Variants in SPAG16 observed in about 807,000 individuals in gnomAD.
SPAG16 encodes the protein sperm associated antigen 16.
SPAG16 carries 86 observed loss-of-function variants against 80.4 expected under a neutral mutation model. That is an observed-to-expected ratio of 1.07 (90% confidence interval 0.90 to 1.28). SPAG16 has a LOEUF of 1.28. Among genes scored for constraint, SPAG16 ranks in the 50% most tolerant of loss-of-function variants. The pLI is 0.00. For synonymous variants in SPAG16, 294 were observed against 265.9 expected, an observed-to-expected ratio of 1.11 and a Z score of -1.03; for missense variants, 870 against 765.3, an observed-to-expected ratio of 1.14 and a Z score of -1.61.
intron 1 of SPAG16, 149 bp downstream of exon 1, chr2:213,284,768 C>T: frequency 8.7e-7 from 1 of 1,144,476 alleles, no homozygotes; most frequent in African/African-American, 1.6e-5. Context: ...TTTTTGCCAC[C>T]ACAGTCTTCC....
intron 15 of SPAG16, chr2:214,280,991 G>A: frequency 2.3e-6 from 1 of 442,678 alleles, no homozygotes; most frequent in Non-Finnish European, 4.4e-6. Flanking sequence ...GAATCGTTTG[G>A]TACTGTAAGG....
chr2:213,818,074 A>ACT (rs879631401), intron 10 of SPAG16, among the ~76,000 whole-genome samples: 12 of 152,060 alleles, frequency 7.9e-5, no homozygotes, highest in Non-Finnish European at 5.9e-5. Context: ...ATAAAGAAGG[A>ACT]CTCTCTCTGC....
chr2:213,405,139 G>C (rs922434160), intron 9 of SPAG16, among the ~76,000 whole-genome samples: 1 of 152,078 alleles, frequency 6.6e-6, no homozygotes, highest in African/African-American at 2.4e-5. Context: ...ATGAACCTAA[G>C]GTTTACTTAA....
intron 15 of SPAG16, among the ~76,000 whole-genome samples, chr2:214,306,965 G>A (rs1453278300): frequency 6.6e-6 from 1 of 152,138 alleles, no homozygotes; most frequent in Non-Finnish European, 1.5e-5. Flanking sequence ...AATGGCACTA[G>A]CTCTTCTTTG....
At chr2:213,429,609 C>T (rs1346210394) in intron 9 of SPAG16, among the ~76,000 whole-genome samples, 2 of 152,186 alleles carry the variant, frequency 1.3e-5, no homozygotes, top group Non-Finnish European at 2.9e-5. Context: ...TTTCACATAA[C>T]ATTTGCTACC....
intron 13 of SPAG16, among the ~76,000 whole-genome samples, chr2:214,050,378 C>G (rs2049578301): frequency 6.6e-6 from 1 of 151,900 alleles, no homozygotes; most frequent in South Asian, 2.1e-4. Flanking sequence ...AGCTGATTCT[C>G]TGAACACACT....
intron 10 of SPAG16, among the ~76,000 whole-genome samples, chr2:213,542,914 A>G (rs905045180): frequency 6.6e-6 from 1 of 152,134 alleles, no homozygotes; most frequent in Non-Finnish European, 1.5e-5. Flanking sequence ...AATAAAAAAC[A>G]GAAATGATAG....
At chr2:213,347,279 C>A (rs538834867) in intron 6 of SPAG16, among the ~76,000 whole-genome samples, 1 of 151,928 alleles carries the variant, frequency 6.6e-6, no homozygotes, top group East Asian at 1.9e-4. Context: ...TCTCTCTTTT[C>A]TTCTTTATTA....
Position 213,825,701 on chromosome 2 carries a change from CTTTTTTT to C in SPAG16, c.1071-36768_1071-36762del, listed in dbSNP as rs55777958. On this transcript the variant is annotated intron_variant, in intron 10 of 15. Coordinates refer to ENST00000331683, the MANE Select transcript of SPAG16 (RefSeq NM_024532.5). ...TGTAGTTTTCTTTCTTTCTTTCTTT[CTTTTTTT>C]TTTTTTTTTTTTTTTGATGTGTCTT... Among the ~76,000 whole-genome samples the C allele has an allele frequency of 4.9e-3, 535 of 109,792 alleles. 4 individuals carry two copies. The highest frequency in any genetic ancestry group is 6.5e-3 in the Non-Finnish European group (360 of 55,434). The allele number at this position is 109,792 out of a possible 152,430, so 72.0% of individuals were successfully genotyped here.
intron 10 of SPAG16, among the ~76,000 whole-genome samples, chr2:213,802,761 T>C (rs2071497991): frequency 6.6e-6 from 1 of 152,158 alleles, no homozygotes; most frequent in Non-Finnish European, 1.5e-5. Context: ...TTGTACATTT[T>C]TGTGTGGTGA....
At chr2:213,802,430 T>TATCTA (rs2071475909) in intron 10 of SPAG16, among the ~76,000 whole-genome samples, 1 of 145,974 alleles carries the variant, frequency 6.9e-6, no homozygotes, top group Admixed American at 6.7e-5. Flanking sequence ...TCTATCTATC[T>TATCTA]ATCTATCTAT....
chr2:213,883,334 T>A (rs1559550707), intron 11 of SPAG16, among the ~76,000 whole-genome samples: 1 of 152,218 alleles, frequency 6.6e-6, no homozygotes, highest in Non-Finnish European at 1.5e-5. Flanking sequence ...CTTTTTGATA[T>A]TGATTTCTAT....
At chr2:214,177,626 A>G (rs142635834) in intron 15 of SPAG16, among the ~76,000 whole-genome samples, 40 of 150,776 alleles carry the variant, frequency 2.7e-4, no homozygotes, top group African/African-American at 8.9e-4. Flanking sequence ...GACAGAAGGT[A>G]GGTTTTTTGT....
chr2:214,267,993 C>T (rs1181890510), intron 15 of SPAG16, among the ~76,000 whole-genome samples: 1 of 151,598 alleles, frequency 6.6e-6, no homozygotes, highest in East Asian at 1.9e-4. Context: ...AACAAATAAC[C>T]CCATTAAAAA....
In SPAG16 at chr2:214,410,430, G is replaced by A; in HGVS notation, c.*115G>A. 1 of 967,092 alleles carries A rather than the reference G, an allele frequency of 1.0e-6. No homozygotes were observed. The highest frequency in any genetic ancestry group is 1.5e-6 in the Non-Finnish European group (1 of 661,052). 59.9% of individuals were successfully genotyped at this position (967,092 alleles called of 1,614,324 possible). ...TGCCAGCAGGTAACATTTACAGTCTGCTTTAAAACATGCTTTGGACATATA... is the reference window on the plus strand; with the variant it reads ...TGCCAGCAGGTAACATTTACAGTCTACTTTAAAACATGCTTTGGACATATA... On this transcript the variant is annotated 3_prime_UTR_variant, in exon 16 of 16. Transcript: ENST00000331683.
At chr2:214,321,401 A>G (rs1281814297) in intron 15 of SPAG16, among the ~76,000 whole-genome samples, 1 of 152,232 alleles carries the variant, frequency 6.6e-6, no homozygotes, top group Non-Finnish European at 1.5e-5. Flanking sequence ...AAGGCAAAGC[A>G]AACATTCTTT....
chr2:213,870,274 C>T (rs1053087507), intron 11 of SPAG16, among the ~76,000 whole-genome samples: 4 of 152,102 alleles, frequency 2.6e-5, no homozygotes, highest in Admixed American at 2.6e-4. Context: ...TGCTTGCTTT[C>T]TGTTGAAATG....
chr2:213,339,704 T>C (rs2064570418), intron 5 of SPAG16, among the ~76,000 whole-genome samples: 2 of 152,194 alleles, frequency 1.3e-5, no homozygotes, highest in Admixed American at 6.5e-5. Flanking sequence ...TATGCTTTCT[T>C]TTCCCAATTA....
At chr2:213,534,589 A>G (rs1332368828) in intron 10 of SPAG16, among the ~76,000 whole-genome samples, 3 of 152,136 alleles carry the variant, frequency 2.0e-5, no homozygotes, top group African/African-American at 7.2e-5. Context: ...AAAAACACAG[A>G]CGAATCCCAA....
Sources: gnomAD v4.1 joint callset for allele counts (sites outside exome capture counted in the v4.1 genomes callset) on GRCh38, gnomAD v4.1.1 for gene constraint, MANE v1.5 for transcripts, NCBI Gene and HGNC (gene_info 2026-07-23, HGNC 2026-07-21) for gene names.